CHST9: variants seen among roughly 807,000 people sequenced by gnomAD.
CHST9 encodes the protein GalNAc-4-sulfotransferase 2.
Under a neutral mutation model 44.4 loss-of-function variants are expected in CHST9, and 41 were observed. The ratio of observed to expected loss-of-function variants is 0.92; its 90% CI spans 0.72 to 1.20. The LOEUF (loss-of-function observed/expected upper bound fraction) is 1.20, where lower values mean the gene tolerates loss of function less well. CHST9 is among the 50% of genes most tolerant of loss of function. The probability of loss-of-function intolerance (pLI) is 0.00; values close to 1 mark genes in which losing one functional copy is unlikely to be tolerated. For missense variants in CHST9, 504 were observed against 516.5 expected (o/e 0.98, Z 0.23); for synonymous variants, 171 against 178.4 (o/e 0.96, Z 0.33).
intron 4 of CHST9, among the ~76,000 whole-genome samples, chr18:26,993,625 A>C (rs1371084394): frequency 1.3e-5 from 2 of 152,202 alleles, no homozygotes; most frequent in African/African-American, 2.4e-5. Context: ...AAGAAAGAAA[A>C]CCAGAAAGAC....
At chr18:27,081,386 T>C (rs2057959497) in intron 2 of CHST9, among the ~76,000 whole-genome samples, 1 of 152,052 alleles carries the variant, frequency 6.6e-6, no homozygotes, top group African/African-American at 2.4e-5. Context: ...AGAATCAACA[T>C]CAGACGAAGG....
At chr18:26,944,492 T>C in intron 4 of CHST9, 126 bp from the exon 5 acceptor site, 1 of 672,222 alleles carries the variant, frequency 1.5e-6, no homozygotes, top group South Asian at 1.8e-5. Flanking sequence ...CAAGGATTTC[T>C]ATCACAATGT....
chr18:26,907,111 AT>A lies in CHST9; in HGVS notation c.*9147del, dbSNP rs1396710218. 6.6e-6 allele frequency: 1 copy of A among 152,356 alleles called. No homozygotes were observed. Among genetic ancestry groups the A allele is most frequent in the African/African-American group, 2.4e-5 (1 of 41,456 alleles). 9.4% of individuals were successfully genotyped at this position (152,356 alleles called of 1,614,324 possible). ...AATGAGAGTGGGAGAGAAGTTCAAG[AT>A]TATCGTAGAGTTGTAGACAGGAGAA... On this transcript the variant is annotated 3_prime_UTR_variant, in exon 6 of 6. Transcript: ENST00000618847.
chr18:27,162,009 C>T (rs1194762146), intron 1 of CHST9, among the ~76,000 whole-genome samples: 6 of 151,736 alleles, frequency 4.0e-5, no homozygotes, highest in Non-Finnish European at 7.4e-5. Context: ...TGTCTCTGCA[C>T]ATGAGATGGG....
intron 3 of CHST9, among the ~76,000 whole-genome samples, chr18:27,044,392 C>G (rs1442195254): frequency 6.6e-6 from 1 of 151,888 alleles, no homozygotes; most frequent in Non-Finnish European, 1.5e-5. Context: ...TTTTGTGGTG[C>G]CTGAAGTGCT....
chr18:27,033,649 GT>G (rs1258385176), intron 3 of CHST9, among the ~76,000 whole-genome samples: 2 of 152,010 alleles, frequency 1.3e-5, no homozygotes, highest in Non-Finnish European at 2.9e-5. Flanking sequence ...GTCTCTTTTT[GT>G]TTTTTATGCT....
chr18:27,038,000 A>G (rs143104186), intron 3 of CHST9, among the ~76,000 whole-genome samples: 1 of 152,318 alleles, frequency 6.6e-6, no homozygotes, highest in African/African-American at 2.4e-5. Context: ...TACCAAGAAT[A>G]GGACATTACT....
At chr18:27,078,106 T>A (rs1386590227) in intron 2 of CHST9, among the ~76,000 whole-genome samples, 1 of 152,158 alleles carries the variant, frequency 6.6e-6, no homozygotes, top group Non-Finnish European at 1.5e-5. Flanking sequence ...ACACTGAGAA[T>A]TACAATTTGA....
intron 4 of CHST9, among the ~76,000 whole-genome samples, chr18:27,021,230 T>G (rs1262468172): frequency 2.0e-5 from 3 of 152,152 alleles, no homozygotes; most frequent in Non-Finnish European, 4.4e-5. Context: ...GTCCTAAATC[T>G]GAGCAGTAGC....
intron 1 of CHST9, among the ~76,000 whole-genome samples, chr18:27,174,729 C>T (rs2058855697): frequency 6.6e-6 from 1 of 151,998 alleles, no homozygotes; most frequent in South Asian, 2.1e-4. Flanking sequence ...CTTCTCTCCA[C>T]CCAATCTGTG....
At chr18:27,175,590 T>G (rs906729685) in intron 1 of CHST9, among the ~76,000 whole-genome samples, 1 of 152,068 alleles carries the variant, frequency 6.6e-6, no homozygotes. Flanking sequence ...AAGTGGGGCA[T>G]CATAGCTTAC....
At chr18:27,140,585 T>C (rs1300539019) in intron 2 of CHST9, among the ~76,000 whole-genome samples, 1 of 152,224 alleles carries the variant, frequency 6.6e-6, no homozygotes, top group African/African-American at 2.4e-5. Flanking sequence ...GAGACCATGA[T>C]ATGAGCAAAA....
chr18:27,049,312 C>T (rs2057539224), intron 2 of CHST9, among the ~76,000 whole-genome samples: 1 of 151,938 alleles, frequency 6.6e-6, no homozygotes, highest in African/African-American at 2.4e-5. Flanking sequence ...GAGTGGTTAG[C>T]TAGGTGACTT....
intron 2 of CHST9, among the ~76,000 whole-genome samples, chr18:27,104,163 C>T (rs2143759688): frequency 6.6e-6 from 1 of 152,148 alleles, no homozygotes; most frequent in East Asian, 1.9e-4. Flanking sequence ...ACTGGGTGCC[C>T]AAGGAAAAGT....
intron 2 of CHST9, among the ~76,000 whole-genome samples, chr18:27,091,537 A>G: frequency 6.6e-6 from 1 of 152,104 alleles, no homozygotes; most frequent in East Asian, 1.9e-4. Flanking sequence ...TTTCAAAGGG[A>G]ATGCTTCCAG....
At chr18:26,952,124 A>T in intron 4 of CHST9, 1 of 477,520 alleles carries the variant, frequency 2.1e-6, no homozygotes, top group Non-Finnish European at 4.1e-6. Flanking sequence ...CCACTTAGAC[A>T]TTCTTGTTTC....
At chr18:27,087,225 A>G (rs2058021734) in intron 2 of CHST9, among the ~76,000 whole-genome samples, 1 of 152,188 alleles carries the variant, frequency 6.6e-6, no homozygotes, top group African/African-American at 2.4e-5. Context: ...ATTTATGTTT[A>G]TTGACATCAG....
intron 3 of CHST9, among the ~76,000 whole-genome samples, chr18:27,044,810 T>C (rs1396715882): frequency 2.0e-5 from 3 of 151,604 alleles, no homozygotes; most frequent in Non-Finnish European, 2.9e-5. Context: ...GAACATGTTA[T>C]TCATGCACAG....
At chr18:26,948,810 A>G (rs1309271116) in intron 4 of CHST9, among the ~76,000 whole-genome samples, 2 of 152,172 alleles carry the variant, frequency 1.3e-5, no homozygotes, top group Admixed American at 1.3e-4. Context: ...AGGATAAGAG[A>G]GGGGCACTCC....
Sources: gnomAD v4.1 joint callset for allele counts (sites outside exome capture counted in the v4.1 genomes callset) on GRCh38, gnomAD v4.1.1 for gene constraint, MANE v1.5 for transcripts, NCBI Gene and HGNC (gene_info 2026-07-23, HGNC 2026-07-21) for gene names.